AGAP1: variants seen among roughly 807,000 people sequenced by gnomAD.
AGAP1 encodes ArfGAP with GTPase domain, ankyrin repeat and PH domain 1.
A neutral mutation model predicts 105.3 loss-of-function variants in AGAP1; 29 were observed. That is an observed-to-expected ratio of 0.28 (90% CI 0.21 to 0.38). The LOEUF is 0.38. AGAP1 is among the 10% of genes least tolerant of loss of function. The pLI is 1.00. For missense variants in AGAP1, 998 were observed against 1,165.1 expected, an observed-to-expected ratio of 0.86 and a Z score of 2.09; for synonymous variants, 509 against 485.9, an observed-to-expected ratio of 1.05 and a Z score of -0.63.
chr2:235,963,949 A>AT lies in AGAP1; in HGVS notation c.1484-4512dup, dbSNP rs147128407. Among the ~76,000 whole-genome samples, 14 of 119,446 alleles carry AT rather than the reference A, an allele frequency of 1.2e-4. No homozygotes were observed. The highest frequency in any genetic ancestry group is 1.9e-4 in the Non-Finnish European group (12 of 64,642). The allele number at this position is 119,446 out of a possible 152,430, so 78.4% of individuals were successfully genotyped here. ...GTCTTCGAAATAGCGGTGTACACTC[A>AT]TAAAAACAACCGCTGGATAACGGAA... is the stretch of plus-strand genomic sequence containing the variant. On this transcript the variant is annotated intron_variant, in intron 12 of 17. Transcript: ENST00000304032. The surrounding 1 kb of genome is among the most constrained non-coding windows in gnomAD (Gnocchi z 5.1).
rs940089220 is a variant in AGAP1, at chr2:236,087,232, T to G, written c.2115-32960T>G. Among the ~76,000 whole-genome samples the G allele has an allele frequency of 7.9e-5, 12 of 152,036 alleles. No homozygotes were observed. The highest frequency in any genetic ancestry group is 3.3e-4 in the Admixed American group (5 of 15,258). On this transcript the variant is annotated intron_variant, in intron 16 of 17. Coordinates refer to ENST00000304032, the MANE Select transcript of AGAP1 (RefSeq NM_001037131.3). The surrounding 1 kb of genome is among the most constrained non-coding windows in gnomAD (Gnocchi z 5.7). ...GAGCTGTGATTGACAGGCCTTCTCA[T>G]TATGGAGCCCATCAGGGGACAGGGC...
chr2:235,498,620 A>G (rs1400667878), intron 1 of AGAP1, among the ~76,000 whole-genome samples: 2 of 152,228 alleles, frequency 1.3e-5, no homozygotes, highest in Non-Finnish European at 2.9e-5. Context: ...TCTTCTTTCA[A>G]GGATAAAGCC....
At chr2:235,795,641 T>C (rs540510621) in intron 6 of AGAP1, among the ~76,000 whole-genome samples, 1 of 152,088 alleles carries the variant, frequency 6.6e-6, no homozygotes, top group South Asian at 2.1e-4. Flanking sequence ...ACATAACAGG[T>C]AGAGGGGAAA....
Position 235,716,033 on chromosome 2 carries a change from G to A in AGAP1, c.223-1524G>A, listed in dbSNP as rs1486677473. Among the ~76,000 whole-genome samples, 1 of 152,196 alleles carries A rather than the reference G, an allele frequency of 6.6e-6. No homozygotes were observed. Among genetic ancestry groups the A allele is most frequent in the Non-Finnish European group, 1.5e-5 (1 of 68,038 alleles). On this transcript the variant is annotated intron_variant, in intron 2 of 17. Coordinates refer to ENST00000304032, the MANE Select transcript of AGAP1 (RefSeq NM_001037131.3). This position sits in a 1 kb window ranked among gnomAD's most constrained non-coding sequence, Gnocchi z 4.0. Reference sequence around the variant, plus strand: ...GGCGCCTGGAGCTGGGGTGGACGGCGGCCAGGGGATGCGATTTGGGAATAG... The same window carrying A: ...GGCGCCTGGAGCTGGGGTGGACGGCAGCCAGGGGATGCGATTTGGGAATAG...
chr2:235,880,811 C>G (rs1183013467), intron 9 of AGAP1, among the ~76,000 whole-genome samples: 1 of 152,072 alleles, frequency 6.6e-6, no homozygotes, highest in African/African-American at 2.4e-5. Context: ...CACGGGAATC[C>G]CACTGAAGAG....
chr2:235,774,328 A>T (rs1258893504), intron 6 of AGAP1: 1 of 470,108 alleles, frequency 2.1e-6, no homozygotes, highest in Non-Finnish European at 4.4e-6. Flanking sequence ...GGCTGGGAAG[A>T]TAGAGGTGCT....
chr2:235,913,407 CAAAT>C (rs1219440729), intron 11 of AGAP1, among the ~76,000 whole-genome samples: 1 of 152,000 alleles, frequency 6.6e-6, no homozygotes, highest in East Asian at 1.9e-4. Flanking sequence ...ATTTTTTATT[CAAAT>C]AAATAATCAA....
chr2:235,878,835 G>C (rs568385519), intron 9 of AGAP1, among the ~76,000 whole-genome samples: 1 of 152,172 alleles, frequency 6.6e-6, no homozygotes, highest in Non-Finnish European at 1.5e-5. Context: ...GATAAAATGC[G>C]AGTTGTCATG....
At chr2:235,590,708 T>TGC (rs1360837719) in intron 1 of AGAP1, among the ~76,000 whole-genome samples, 2 of 109,344 alleles carry the variant, frequency 1.8e-5, no homozygotes, top group Admixed American at 8.4e-5. Flanking sequence ...TGTGTGTGTG[T>TGC]GTGTGCATTT....
chr2:235,653,535 A>T lies in AGAP1; in HGVS notation c.164-55644A>T, dbSNP rs1482248912. ...ATAACATAACATAACATAAAATAAA[A>T]TAATAAATAAAAAAGTGCACACTCC... On this transcript the variant is annotated intron_variant, in intron 1 of 17. Coordinates refer to ENST00000304032, the MANE Select transcript of AGAP1 (RefSeq NM_001037131.3). Among the ~76,000 whole-genome samples, 3 of 152,172 alleles carry T rather than the reference A, an allele frequency of 2.0e-5. No homozygotes were observed. The South Asian group carries it at 6.2e-4, about 32-fold the overall frequency.
At chr2:235,704,189 G>A (rs1490949551) in intron 1 of AGAP1, among the ~76,000 whole-genome samples, 1 of 152,240 alleles carries the variant, frequency 6.6e-6, no homozygotes, top group Non-Finnish European at 1.5e-5. Context: ...TTTAGCCTCA[G>A]TAACTGCAGC....
rs2149248495 is a variant in AGAP1, at chr2:235,607,755, A to G, written c.164-101424A>G. On this transcript the variant is annotated intron_variant, in intron 1 of 17. Coordinates refer to ENST00000304032, the MANE Select transcript of AGAP1 (RefSeq NM_001037131.3). ...GCCAGCCTCGAGGGCAGCCTCCTGG[A>G]GGTGGAAGGGCAGCGGGGCGCGAGA... 1.3e-5 allele frequency among the ~76,000 whole-genome samples: 2 copies of G among 152,194 alleles called. 1 individual carries two copies. The highest frequency in any genetic ancestry group is 4.2e-4 in the South Asian group (2 of 4,808).
chr2:236,048,438 A>G (rs1270521462), intron 15 of AGAP1, among the ~76,000 whole-genome samples: 1 of 152,232 alleles, frequency 6.6e-6, no homozygotes, highest in Non-Finnish European at 1.5e-5. Flanking sequence ...ACCTCACCAA[A>G]GGGCCCTGCC....
chr2:235,741,019 A>G lies in AGAP1; in HGVS notation c.367A>G (p.Arg123Gly). Reference sequence around the variant, plus strand: ...TGGACAGAGCTATCTGCTGCTGATCAGAGATGAAGGGGGCCCCCCGGAGGC... The same window carrying G: ...TGGACAGAGCTATCTGCTGCTGATCGGAGATGAAGGGGGCCCCCCGGAGGC... ...VDGQSYLLLI[R>G]DEGGPPEAQF... The change falls in exon 4 of 18, where the codon AGA becomes GGA. Residue 123 changes from arginine to glycine, a missense_variant. Around this residue, in one of 3 missense-constraint regions of AGAP1, gnomAD observed 735 missense variants for 833.4 expected, o/e 0.88. Transcript: ENST00000304032. This position sits in a 1 kb window ranked among gnomAD's most constrained non-coding sequence, Gnocchi z 4.9. The G allele has an allele frequency of 6.2e-7, 1 of 1,614,170 alleles. No homozygotes were observed. Among genetic ancestry groups the G allele is most frequent in the Non-Finnish European group, 8.5e-7 (1 of 1,180,008 alleles).
intron 1 of AGAP1, among the ~76,000 whole-genome samples, chr2:235,696,939 G>A (rs918274749): frequency 6.6e-5 from 10 of 151,830 alleles, no homozygotes; most frequent in Non-Finnish European, 1.5e-4. Flanking sequence ...AACCAAGATG[G>A]CACCACTGCA....
chr2:235,494,928 G>T (rs946333061), intron 1 of AGAP1, 79 bp downstream of exon 1: 33 of 1,378,856 alleles, frequency 2.4e-5, no homozygotes, highest in Middle Eastern at 2.1e-4. Context: ...GTGTGCGTGC[G>T]GGTGTCCACA....
chr2:235,527,626 C>T (rs992366728), intron 1 of AGAP1, among the ~76,000 whole-genome samples: 10 of 152,162 alleles, frequency 6.6e-5, no homozygotes, highest in African/African-American at 2.4e-4. Flanking sequence ...TTGCCCAAAC[C>T]ATCTGCCTAT....
intron 9 of AGAP1, among the ~76,000 whole-genome samples, chr2:235,818,496 G>A (rs993113409): frequency 6.6e-6 from 1 of 152,188 alleles, no homozygotes; most frequent in Non-Finnish European, 1.5e-5. Context: ...AGGCTAGAGT[G>A]CAATGGCATG....
At chr2:236,068,716 C>T (rs1352336625) in intron 16 of AGAP1, among the ~76,000 whole-genome samples, 3 of 143,084 alleles carry the variant, frequency 2.1e-5, no homozygotes, top group Non-Finnish European at 3.0e-5. Context: ...AGGAGAATGG[C>T]GTGAACCCGA....
Sources: allele counts gnomAD v4.1 joint callset (sites outside exome capture counted in the v4.1 genomes callset), GRCh38; gene constraint gnomAD v4.1.1; regional missense constraint gnomAD v4.1.1; non-coding constraint Gnocchi (gnomAD v3.1); transcripts MANE v1.5; gene names NCBI Gene and HGNC (gene_info 2026-07-23, HGNC 2026-07-21).